C3orf85: variants seen among roughly 807,000 people sequenced by gnomAD.
The protein encoded by C3orf85 is chromosome 3 open reading frame 85, also known as uncharacterized protein C3orf85.
A neutral mutation model predicts 1.7 loss-of-function variants in C3orf85; 1 was observed. The observed-to-expected ratio is 0.60, with a 90% CI of 0.21 to 2.86. The LOEUF (loss-of-function observed/expected upper bound fraction) is 2.86. Ranked by LOEUF, C3orf85 falls within the 30% of genes most tolerant of loss-of-function variation. C3orf85 has a pLI of 0.22. For missense variants in C3orf85, 29 were observed against 21.3 expected (o/e 1.36, Z -0.72); for synonymous variants, 17 against 8.0 (o/e 2.13, Z -1.90).
chr3:109,143,024 T>C (rs1041158476), intron 2 of C3orf85, among the ~76,000 whole-genome samples: 5 of 152,210 alleles, frequency 3.3e-5, no homozygotes, highest in Admixed American at 3.3e-4. Flanking sequence ...GGCAGTTTAC[T>C]CTCAAGAGAA....
intron 2 of C3orf85, among the ~76,000 whole-genome samples, chr3:109,143,683 C>T (rs922252228): frequency 1.3e-5 from 2 of 152,150 alleles, no homozygotes; most frequent in African/African-American, 2.4e-5. Context: ...TTAATACATT[C>T]CAGATCAAAA....
chr3:109,144,363 C>T (rs906139945), intron 2 of C3orf85, among the ~76,000 whole-genome samples: 1 of 152,144 alleles, frequency 6.6e-6, no homozygotes, highest in Admixed American at 6.5e-5. Context: ...TTGAGTGAGT[C>T]ATTTCATCTC....
At chr3:109,148,176 G>C (rs1706820846) in intron 2 of C3orf85, 77 bp from the exon 3 acceptor site, 2 of 637,108 alleles carry the variant, frequency 3.1e-6, no homozygotes, top group African/African-American at 1.8e-5. Flanking sequence ...GATCACAGCT[G>C]GGTCTCTTGA....
chr3:109,139,327 C>T (rs954539859), intron 2 of C3orf85, among the ~76,000 whole-genome samples: 33 of 152,186 alleles, frequency 2.2e-4, no homozygotes, highest in African/African-American at 4.3e-4. Context: ...CCATAAGAAA[C>T]AACCAGGAGT....
intron 2 of C3orf85, among the ~76,000 whole-genome samples, chr3:109,141,204 C>T (rs1459616881): frequency 1.3e-5 from 2 of 152,124 alleles, no homozygotes; most frequent in African/African-American, 4.8e-5. Context: ...CCATTCTGGT[C>T]TCAAACTCTT....
chr3:109,141,809 C>A (rs1355304314), intron 2 of C3orf85, among the ~76,000 whole-genome samples: 1 of 152,176 alleles, frequency 6.6e-6, no homozygotes, highest in Non-Finnish European at 1.5e-5. Flanking sequence ...GCAGGCAGAT[C>A]ACTTGAGGTT....
intron 3 of C3orf85, 58 bp downstream of exon 3, chr3:109,148,444 A>G (rs1706824833): frequency 2.9e-6 from 2 of 700,908 alleles, no homozygotes; most frequent in Non-Finnish European, 2.6e-6. Context: ...TAGTCATTGC[A>G]TTAGCTGACC....
intron 2 of C3orf85, among the ~76,000 whole-genome samples, chr3:109,145,478 G>T (rs1706788582): frequency 6.6e-6 from 1 of 152,108 alleles, no homozygotes; most frequent in Admixed American, 6.6e-5. Flanking sequence ...TTGGGGAGGG[G>T]TTAATGCGGA....
chr3:109,142,582 C>A (rs1177630691), intron 2 of C3orf85, among the ~76,000 whole-genome samples: 1 of 152,182 alleles, frequency 6.6e-6, no homozygotes, highest in Non-Finnish European at 1.5e-5. Context: ...TCTGACCCCA[C>A]TGAATCTCAT....
chr3:109,146,516 G>C (rs867194296), intron 2 of C3orf85, among the ~76,000 whole-genome samples: 21 of 152,320 alleles, frequency 1.4e-4, no homozygotes, highest in Middle Eastern at 6.8e-3. Context: ...ATGCGGTAAA[G>C]ATGTCAATGG....
chr3:109,144,560 C>A (rs1706775134), intron 2 of C3orf85, among the ~76,000 whole-genome samples: 1 of 152,044 alleles, frequency 6.6e-6, no homozygotes, highest in Non-Finnish European at 1.5e-5. Flanking sequence ...TTCCATGAAC[C>A]AAAAGGTAAA....
chr3:109,139,045 G>A (rs1028046441), intron 2 of C3orf85, among the ~76,000 whole-genome samples: 2 of 152,182 alleles, frequency 1.3e-5, no homozygotes, highest in African/African-American at 4.8e-5. Flanking sequence ...TGACCACTCT[G>A]AAAATACTAA....
intron 2 of C3orf85, among the ~76,000 whole-genome samples, chr3:109,141,572 C>G (rs527607234): frequency 6.6e-6 from 1 of 151,164 alleles, no homozygotes; most frequent in South Asian, 2.1e-4. Context: ...CTTCCATTAT[C>G]TGTCTCTCTC....
chr3:109,145,314 T>C (rs1706786185), intron 2 of C3orf85, among the ~76,000 whole-genome samples: 1 of 152,200 alleles, frequency 6.6e-6, no homozygotes, highest in Admixed American at 6.5e-5. Context: ...AGGAATGAAA[T>C]ACTGATGTCA....
chr3:109,143,223 T>A (rs966074520), intron 2 of C3orf85, among the ~76,000 whole-genome samples: 1 of 152,192 alleles, frequency 6.6e-6, no homozygotes, highest in African/African-American at 2.4e-5. Flanking sequence ...TAATTCTGTA[T>A]CTTATTTTAC....
chr3:109,145,482 A>C (rs940166921), intron 2 of C3orf85, among the ~76,000 whole-genome samples: 4 of 152,114 alleles, frequency 2.6e-5, no homozygotes, highest in African/African-American at 9.7e-5. Context: ...GGAGGGGTTA[A>C]TGCGGAGTTG....
intron 2 of C3orf85, among the ~76,000 whole-genome samples, chr3:109,138,710 A>G (rs1283650650): frequency 1.3e-5 from 2 of 152,158 alleles, no homozygotes. Context: ...AAAACAATGA[A>G]AGGCCTTATC....
chr3:109,144,906 A>G (rs1455280463), intron 2 of C3orf85, among the ~76,000 whole-genome samples: 1 of 152,236 alleles, frequency 6.6e-6, no homozygotes, highest in Non-Finnish European at 1.5e-5. Context: ...GAATAATAGC[A>G]CATAAAATAT....
intron 2 of C3orf85, among the ~76,000 whole-genome samples, chr3:109,147,914 C>G (rs117374613): frequency 6.6e-6 from 1 of 152,062 alleles, no homozygotes; most frequent in Non-Finnish European, 1.5e-5. Context: ...AACTAAAGTG[C>G]GAAGAAATCA....
Sources: allele counts gnomAD v4.1 joint callset (sites outside exome capture counted in the v4.1 genomes callset), GRCh38; gene constraint gnomAD v4.1.1; transcripts MANE v1.5; gene names NCBI Gene and HGNC (gene_info 2026-07-23, HGNC 2026-07-21).